ABTB2: variants seen among roughly 807,000 people sequenced by gnomAD.
ABTB2 encodes the protein ankyrin repeat and BTB domain containing 2, also known as ankyrin repeat and BTB/POZ domain-containing protein 2.
ABTB2 carries 56 observed loss-of-function variants against 104.1 expected under a neutral mutation model. That is an observed-to-expected ratio of 0.54 (90% CI 0.43 to 0.67). The LOEUF is 0.67. Among genes scored for constraint, ABTB2 ranks in the 30% least tolerant of loss-of-function variants. ABTB2 has a pLI of 0.00. For missense variants in ABTB2, 1,279 were observed against 1,407.7 expected (o/e 0.91, Z 1.46); for synonymous variants, 606 against 608.2 (o/e 1.00, Z 0.05).
At position 34,160,286 on chromosome 11, in the gene ABTB2, C is replaced by T; in HGVS notation, c.2465G>A (p.Ser822Asn). The T allele has an allele frequency of 1.2e-6, 2 of 1,614,134 alleles. No individual in the cohort carries two copies. The highest frequency in any genetic ancestry group is 1.7e-6 in the Non-Finnish European group (2 of 1,180,014). Residue 822 changes from serine to asparagine, a missense_variant, in exon 12 of 17, where the codon AGC becomes AAC. Coordinates refer to ENST00000435224, the MANE Select transcript of ABTB2 (RefSeq NM_145804.3). ...CAGGGTCTTCCGGATCTCTGGGATG[C>T]TGGGGATGGGACTGCTGCCATAGCA... ...THCYGSSPIP[S>N]IPEIRKTLPA...
chr11:34,258,661 G>C (rs1164105253), intron 1 of ABTB2, among the ~76,000 whole-genome samples: 2 of 145,206 alleles, frequency 1.4e-5, no homozygotes, highest in African/African-American at 5.1e-5. Context: ...GCCTAGGCTG[G>C]AGTGCAGCAG....
intron 1 of ABTB2, chr11:34,242,327 CCCA>C (rs1337203198): frequency 6.6e-6 from 1 of 152,374 alleles, no homozygotes; most frequent in East Asian, 1.9e-4. Context: ...ACAGCCAGTT[CCCA>C]CCACGAGGAC....
chr11:34,235,211 T>TA (rs1853826513), intron 1 of ABTB2, among the ~76,000 whole-genome samples: 1 of 152,206 alleles, frequency 6.6e-6, no homozygotes, highest in African/African-American at 2.4e-5. Context: ...CTGGTGCCCC[T>TA]ACTCCCTCTA....
intron 1 of ABTB2, among the ~76,000 whole-genome samples, chr11:34,245,269 G>A (rs931014284): frequency 6.6e-6 from 1 of 152,178 alleles, no homozygotes; most frequent in Non-Finnish European, 1.5e-5. Flanking sequence ...CCACCACACT[G>A]CCACCCTGGC....
At chr11:34,315,085 T>C in intron 1 of ABTB2, among the ~76,000 whole-genome samples, 1 of 152,126 alleles carries the variant, frequency 6.6e-6, no homozygotes, top group South Asian at 2.1e-4. Context: ...CAAAATTCCA[T>C]ATTAAAAAGA....
At chr11:34,316,547 C>T (rs749080138) in intron 1 of ABTB2, among the ~76,000 whole-genome samples, 17 of 152,142 alleles carry the variant, frequency 1.1e-4, no homozygotes, top group African/African-American at 1.9e-4. Flanking sequence ...TGTCAGTGAC[C>T]GAGTGGCAAA....
intron 1 of ABTB2, among the ~76,000 whole-genome samples, chr11:34,226,918 T>C (rs1435567281): frequency 6.6e-6 from 1 of 151,942 alleles, no homozygotes; most frequent in Non-Finnish European, 1.5e-5. Flanking sequence ...ATACAAAAAT[T>C]AGCATGGTGT....
chr11:34,354,058 G>A (rs986547200), intron 1 of ABTB2, among the ~76,000 whole-genome samples: 1 of 152,160 alleles, frequency 6.6e-6, no homozygotes, highest in African/African-American at 2.4e-5. Flanking sequence ...TGTCTAAAGG[G>A]ACTTAATAAA....
At position 34,154,588 on chromosome 11, in the gene ABTB2, G is replaced by C. The variant is rs1258382142; in HGVS notation, c.2766+113C>G. 2.7e-6 allele frequency: 3 copies of C among 1,118,042 alleles called. No individual in the cohort carries two copies. Among genetic ancestry groups the C allele is most frequent in the Non-Finnish European group, 4.0e-6 (3 of 755,524 alleles). 69.3% of individuals were successfully genotyped at this position (1,118,042 alleles called of 1,614,324 possible). Reference sequence around the variant, plus strand: ...TGCACAGTTCCTCTTTCTGGGAACTGCTCTTCCTGTCAGATGGAGAGGAAG... The same window carrying C: ...TGCACAGTTCCTCTTTCTGGGAACTCCTCTTCCTGTCAGATGGAGAGGAAG... On this transcript the variant is annotated intron_variant, in intron 15 of 16. Coordinates refer to ENST00000435224, the MANE Select transcript of ABTB2 (RefSeq NM_145804.3). This position sits in a 1 kb window ranked among gnomAD's most constrained non-coding sequence, Gnocchi z 4.9.
chr11:34,238,884 G>A (rs144797904), intron 1 of ABTB2, among the ~76,000 whole-genome samples: 3 of 152,274 alleles, frequency 2.0e-5, no homozygotes, highest in African/African-American at 7.2e-5. Context: ...CTCCTGAGTA[G>A]CTGGGACTAC....
intron 3 of ABTB2, among the ~76,000 whole-genome samples, chr11:34,174,194 G>C (rs1309787080): frequency 6.6e-6 from 1 of 152,012 alleles, no homozygotes; most frequent in Non-Finnish European, 1.5e-5. Flanking sequence ...GCTTGGTGGC[G>C]GGCGCCTGTA....
intron 1 of ABTB2, among the ~76,000 whole-genome samples, chr11:34,291,838 A>G (rs1156944754): frequency 6.6e-6 from 1 of 151,888 alleles, no homozygotes; most frequent in African/African-American, 2.4e-5. Context: ...TATTTAACAT[A>G]TATGGGCTGC....
At chr11:34,269,383 C>T (rs921599789) in intron 1 of ABTB2, among the ~76,000 whole-genome samples, 14 of 152,112 alleles carry the variant, frequency 9.2e-5, no homozygotes, top group African/African-American at 3.1e-4. Context: ...CTTGGGCCAC[C>T]CATTTGCAGT....
intron 1 of ABTB2, among the ~76,000 whole-genome samples, chr11:34,276,488 T>C (rs927964923): frequency 6.6e-6 from 1 of 152,092 alleles, no homozygotes; most frequent in African/African-American, 2.4e-5. Flanking sequence ...GGAAAAAATA[T>C]AGGGCCACAG....
At chr11:34,288,015 G>C (rs1854526137) in intron 1 of ABTB2, among the ~76,000 whole-genome samples, 1 of 151,934 alleles carries the variant, frequency 6.6e-6, no homozygotes, top group African/African-American at 2.4e-5. Context: ...AACACAATGG[G>C]GATAATAATG....
At chr11:34,278,770 C>T (rs1056779454) in intron 1 of ABTB2, among the ~76,000 whole-genome samples, 10 of 152,194 alleles carry the variant, frequency 6.6e-5, no homozygotes, top group Non-Finnish European at 8.8e-5. Flanking sequence ...ATTTCACTGG[C>T]GCCTTCATAA....
At chr11:34,308,968 A>G (rs1407888811) in intron 1 of ABTB2, among the ~76,000 whole-genome samples, 1 of 152,208 alleles carries the variant, frequency 6.6e-6, no homozygotes, top group East Asian at 1.9e-4. Context: ...GAAGAATTAA[A>G]ATTTTATTGC....
In ABTB2 at chr11:34,154,588, G is replaced by A; in HGVS notation, c.2766+113C>T. On this transcript the variant is annotated intron_variant, in intron 15 of 16. Transcript: ENST00000435224. This position sits in a 1 kb window ranked among gnomAD's most constrained non-coding sequence, Gnocchi z 4.9. ...TGCACAGTTCCTCTTTCTGGGAACTGCTCTTCCTGTCAGATGGAGAGGAAG... is the reference window on the plus strand; with the variant it reads ...TGCACAGTTCCTCTTTCTGGGAACTACTCTTCCTGTCAGATGGAGAGGAAG... 8.9e-7 allele frequency: 1 copy of A among 1,118,040 alleles called. No individual in the cohort carries two copies. Among genetic ancestry groups the A allele is most frequent in the Non-Finnish European group, 1.3e-6 (1 of 755,522 alleles). The allele number at this position is 1,118,040 out of a possible 1,614,324, so 69.3% of individuals were successfully genotyped here. A position where few individuals can be genotyped will look rare whatever the true frequency, so the allele number is the denominator to read the frequency against.
rs1288919889 is a variant in ABTB2 at position 34,273,500 on chromosome 11, C to A, written c.884-68810G>T. On this transcript the variant is annotated intron_variant, in intron 1 of 16. Coordinates refer to ENST00000435224, the MANE Select transcript of ABTB2 (RefSeq NM_145804.3). ...TCCACTGGACGAAGCCAGCATTTGA[C>A]CCCAGACAACAGCATCCCCAGGCAT... Among the ~76,000 whole-genome samples, 4 of 152,120 alleles carry A rather than the reference C, an allele frequency of 2.6e-5. No individual in the cohort carries two copies. In the East Asian group the frequency reaches 7.7e-4, roughly 29 times the overall value.
Sources: allele counts gnomAD v4.1 joint callset (sites outside exome capture counted in the v4.1 genomes callset), GRCh38; gene constraint gnomAD v4.1.1; non-coding constraint Gnocchi (gnomAD v3.1); transcripts MANE v1.5; gene names NCBI Gene and HGNC (gene_info 2026-07-23, HGNC 2026-07-21).